Variants in PIP5K1B observed in about 807,000 individuals in gnomAD.
PIP5K1B encodes phosphatidylinositol 4-phosphate 5-kinase type-1 beta.
In PIP5K1B, 42 loss-of-function variants were observed where a neutral mutation model predicts 67.0. That is an observed-to-expected ratio of 0.63 (90% CI 0.49 to 0.81). PIP5K1B has a LOEUF of 0.81. Among genes scored for constraint, PIP5K1B ranks in the 30% least tolerant of loss-of-function variants. The pLI is 0.00. For missense variants in PIP5K1B, 459 were observed against 646.3 expected (o/e 0.71, Z 3.14); for synonymous variants, 214 against 231.4 (o/e 0.92, Z 0.68).
intron 2 of PIP5K1B, among the ~76,000 whole-genome samples, chr9:68,778,667 C>G (rs767003074): frequency 5.9e-5 from 9 of 152,174 alleles, no homozygotes; most frequent in Non-Finnish European, 1.0e-4. Context: ...CTTCTTTCAG[C>G]CTGTTTTCCA....
intron 1 of PIP5K1B, among the ~76,000 whole-genome samples, chr9:68,734,914 G>A (rs547336026): frequency 2.7e-3 from 416 of 152,340 alleles, no homozygotes; most frequent in Non-Finnish European, 4.9e-3. Context: ...AAAGGCAATA[G>A]GAGGTGACCA....
chr9:68,822,704 C>T (rs1178917305), intron 4 of PIP5K1B, 21 bp downstream of exon 4: 1 of 1,552,680 alleles, frequency 6.4e-7, no homozygotes, highest in Non-Finnish European at 8.9e-7. Context: ...ATTTTATTTT[C>T]TAAAGAGGAA....
intron 4 of PIP5K1B, among the ~76,000 whole-genome samples, chr9:68,845,800 CT>C (rs1207183898): frequency 6.6e-6 from 1 of 152,208 alleles, no homozygotes; most frequent in African/African-American, 2.4e-5. Flanking sequence ...ACAAAAAATG[CT>C]TAATCCCAAC....
intron 11 of PIP5K1B, among the ~76,000 whole-genome samples, chr9:68,922,857 C>T (rs146056442): frequency 1.3e-5 from 2 of 152,174 alleles, no homozygotes; most frequent in African/African-American, 2.4e-5. Context: ...TTAACTTAAA[C>T]GTCAATGTCA....
intron 2 of PIP5K1B, among the ~76,000 whole-genome samples, chr9:68,809,584 C>G (rs1373795845): frequency 1.3e-5 from 2 of 152,126 alleles, no homozygotes; most frequent in African/African-American, 2.4e-5. Context: ...GGGCTACTTG[C>G]GGGCAAATTG....
At chr9:69,007,632 C>T (rs186026446) in intron 15 of PIP5K1B, among the ~76,000 whole-genome samples, 101 of 152,152 alleles carry the variant, frequency 6.6e-4, no homozygotes, top group Admixed American at 1.3e-3. Context: ...CCAAGGTGGG[C>T]GGATCACTAG....
intron 2 of PIP5K1B, among the ~76,000 whole-genome samples, chr9:68,749,799 G>A (rs1476695307): frequency 1.3e-5 from 2 of 152,166 alleles, no homozygotes; most frequent in Non-Finnish European, 2.9e-5. Context: ...CTAGATGCCA[G>A]TAGTTCCTTC....
Position 68,940,808 on chromosome 9 carries a change from C to A in PIP5K1B, c.1502+18C>A. 1 of 1,611,042 alleles carries A rather than the reference C, an allele frequency of 6.2e-7. No homozygotes were observed. The highest frequency in any genetic ancestry group is 1.1e-5 in the South Asian group (1 of 90,956). The stretch of plus-strand genomic sequence containing the variant: ...TCAAACAGGTAATACTTAGTGCAGT[C>A]AAATAACCCATCAGGCTGTTACCAC... On this transcript the variant is annotated intron_variant, in intron 14 of 15. Transcript: ENST00000265382.
rs868854294 is a variant in PIP5K1B, at chr9:68,705,447, G to A, written c.-558G>A. On this transcript the variant is annotated 5_prime_UTR_variant, in exon 1 of 16. Coordinates refer to ENST00000265382, the MANE Select transcript of PIP5K1B (RefSeq NM_003558.4). ...TCTGGCCGGAGGACCGGCGGGGAAGGAAGGGGAAAGCGGGGACACACACAC... is the reference window on the plus strand; with the variant it reads ...TCTGGCCGGAGGACCGGCGGGGAAGAAAGGGGAAAGCGGGGACACACACAC... The A allele has an allele frequency of 6.6e-6, 1 of 152,040 alleles. No individual in the cohort carries two copies. Among genetic ancestry groups the A allele is most frequent in the South Asian group, 2.1e-4 (1 of 4,874 alleles). 9.4% of individuals were successfully genotyped at this position (152,040 alleles called of 1,614,324 possible). A position where few individuals can be genotyped will look rare whatever the true frequency, so the allele number is the denominator to read the frequency against.
At chr9:68,842,241 A>G (rs1003577823) in intron 4 of PIP5K1B, among the ~76,000 whole-genome samples, 2 of 152,202 alleles carry the variant, frequency 1.3e-5, no homozygotes, top group Non-Finnish European at 2.9e-5. Flanking sequence ...ACATGTGTCC[A>G]TGGAGGCAGG....
chr9:68,959,697 G>A (rs938043954), intron 14 of PIP5K1B, among the ~76,000 whole-genome samples: 6 of 152,026 alleles, frequency 3.9e-5, no homozygotes, highest in African/African-American at 7.2e-5. Context: ...AAACATATTC[G>A]CAACTGTGCC....
At chr9:68,991,359 G>A in intron 15 of PIP5K1B, 102 bp downstream of exon 15, 1 of 681,628 alleles carries the variant, frequency 1.5e-6, no homozygotes. Flanking sequence ...GCATGCTTGG[G>A]TTTTAAAAGA....
At chr9:68,849,817 G>GT (rs766524702) in intron 4 of PIP5K1B, among the ~76,000 whole-genome samples, 31 of 151,740 alleles carry the variant, frequency 2.0e-4, no homozygotes, top group African/African-American at 3.1e-4. Context: ...GTAGTTAAGA[G>GT]TTTTTTTTTA....
chr9:69,002,377 C>T (rs1252171561), intron 15 of PIP5K1B, among the ~76,000 whole-genome samples: 2 of 152,188 alleles, frequency 1.3e-5, no homozygotes, highest in African/African-American at 2.4e-5. Flanking sequence ...AGTTTCCTTT[C>T]GGCAATGCAG....
intron 2 of PIP5K1B, among the ~76,000 whole-genome samples, chr9:68,751,117 G>C (rs1193971158): frequency 6.6e-6 from 1 of 152,164 alleles, no homozygotes; most frequent in Non-Finnish European, 1.5e-5. Context: ...GGTAGTTATT[G>C]TAAAGTGGAT....
At chr9:68,925,795 A>ATTTTTTTTTTTTCTTTTTTTTTTTTTT (rs374081605) in intron 12 of PIP5K1B, among the ~76,000 whole-genome samples, 1 of 73,296 alleles carries the variant, frequency 1.4e-5, no homozygotes, top group Non-Finnish European at 2.3e-5. Context: ...TGTGGTTCCA[A>ATTTTTTTTTTTTCTTTTTTTTTTTTTT]TTTTTTTTTT....
At chr9:68,880,065 G>GC (rs146784931) in intron 6 of PIP5K1B, among the ~76,000 whole-genome samples, 2,340 of 151,910 alleles carry the variant, frequency 0.015, 57 homozygotes, top group African/African-American at 0.051. Context: ...TAAATTGAAT[G>GC]CCCCCCTACA....
chr9:68,752,768 T>C (rs983492318), intron 2 of PIP5K1B, among the ~76,000 whole-genome samples: 4 of 152,178 alleles, frequency 2.6e-5, no homozygotes, highest in African/African-American at 9.6e-5. Flanking sequence ...GCTTTTGAGG[T>C]TAATTTACAA....
At chr9:68,847,000 A>G (rs1822223690) in intron 4 of PIP5K1B, among the ~76,000 whole-genome samples, 1 of 152,226 alleles carries the variant, frequency 6.6e-6, no homozygotes, top group Admixed American at 6.5e-5. Flanking sequence ...AAAAACATCC[A>G]GTGATCCCTA....
Sources: allele counts gnomAD v4.1 joint callset (sites outside exome capture counted in the v4.1 genomes callset), GRCh38; gene constraint gnomAD v4.1.1; transcripts MANE v1.5; gene names NCBI Gene and HGNC (gene_info 2026-07-23, HGNC 2026-07-21).